The following FHIP2A variants were observed in gnomAD, a reference collection of about 807,000 sequenced individuals.
The protein encoded by FHIP2A is FHF complex subunit HOOK interacting protein 2A, also known as family with sequence similarity 160 member B1.
A neutral mutation model predicts 93.5 loss-of-function variants in FHIP2A; 46 were observed. That is an observed-to-expected ratio of 0.49 (90% CI 0.39 to 0.63). The LOEUF is 0.63. Ranked by LOEUF, FHIP2A falls within the 20% of genes least tolerant of loss-of-function variation. FHIP2A has a pLI of 0.00. For missense variants in FHIP2A, 769 were observed against 909.7 expected (o/e 0.85, Z 1.99); for synonymous variants, 332 against 326.5 (o/e 1.02, Z -0.18).
intron 14 of FHIP2A, among the ~76,000 whole-genome samples, chr10:114,855,549 C>A (rs982722150): frequency 1.3e-5 from 2 of 152,154 alleles, no homozygotes; most frequent in African/African-American, 2.4e-5. Context: ...CTGACAGCTG[C>A]TTGTTTATTT....
At chr10:114,825,174 C>T (rs1390330526) in intron 1 of FHIP2A, among the ~76,000 whole-genome samples, 1 of 152,170 alleles carries the variant, frequency 6.6e-6, no homozygotes, top group East Asian at 1.9e-4. Context: ...AGCACCACCA[C>T]ACTCAATTTT....
At position 114,863,512 on chromosome 10, in the gene FHIP2A, GTA is replaced by G; in HGVS notation, c.*1976_*1977del. The G allele has an allele frequency of 8.6e-7, 1 of 1,157,654 alleles. No homozygotes were observed. Among genetic ancestry groups the G allele is most frequent in the African/African-American group, 1.6e-5 (1 of 61,080 alleles). 71.7% of individuals were successfully genotyped at this position (1,157,654 alleles called of 1,614,324 possible). On this transcript the variant is annotated 3_prime_UTR_variant, in exon 17 of 17. Coordinates refer to ENST00000369248, the MANE Select transcript of FHIP2A (RefSeq NM_020940.4). ...GAAAAGCTTTAACTCTTATATTTGT[GTA>G]TATGTATGCTGCTTCTGAAAATATA...
intron 1 of FHIP2A, among the ~76,000 whole-genome samples, chr10:114,827,711 G>C (rs1337738875): frequency 1.3e-5 from 2 of 151,436 alleles, no homozygotes; most frequent in Non-Finnish European, 2.9e-5. Context: ...GCAGGAGAAT[G>C]GTGTGAACCC....
intron 13 of FHIP2A, among the ~76,000 whole-genome samples, chr10:114,849,781 G>A (rs903254006): frequency 9.2e-5 from 14 of 152,008 alleles, no homozygotes; most frequent in African/African-American, 1.4e-4. Flanking sequence ...TCTCCTCCCC[G>A]CCAACCCCCA....
Position 114,836,222 on chromosome 10 carries a change from C to T in FHIP2A, c.498C>T (p.Pro166=). 1.3e-6 allele frequency: 2 copies of T among 1,596,762 alleles called. No individual in the cohort carries two copies. Among genetic ancestry groups the T allele is most frequent in the Non-Finnish European group, 1.7e-6 (2 of 1,168,134 alleles). ...CIVCAKLKQD[P]YLVNFFLENK... ...TGTGTGCGAAGCTGAAACAGGACCC[C>T]TACCTGGTTAACTTTTTCCTAGAGG... The change falls in exon 5 of 17, where the codon CCC becomes CCT. Residue 166 remains proline (P), a synonymous_variant. Transcript: ENST00000369248.
intron 14 of FHIP2A, among the ~76,000 whole-genome samples, chr10:114,859,035 CAAGT>C (rs1469843730): frequency 6.6e-6 from 1 of 151,918 alleles, no homozygotes; most frequent in Non-Finnish European, 1.5e-5. Flanking sequence ...CCAAAGCCCC[CAAGT>C]ATTACCAAGT....
At chr10:114,875,908 AAG>A (rs140929613) in intron 16 of FHIP2A, among the ~76,000 whole-genome samples, 32,597 of 107,514 alleles carry the variant, frequency 0.3, 7,370 homozygotes, top group South Asian at 0.41. Flanking sequence ...GAAATAAAGA[AAG>A]AGAAAGAAAG....
chr10:114,831,922 C>A (rs1271598562), intron 2 of FHIP2A, among the ~76,000 whole-genome samples: 7 of 152,126 alleles, frequency 4.6e-5, no homozygotes, highest in Non-Finnish European at 7.4e-5. Context: ...CAAAGGTGAC[C>A]CTTCTCTATC....
At chr10:114,864,992 A>G (rs986586052), downstream of FHIP2A, among the ~76,000 whole-genome samples, 5 of 148,274 alleles carry the variant, frequency 3.4e-5, no homozygotes. Flanking sequence ...CTCAAAAACA[A>G]TTTTTTTTTT....
At position 114,860,760 on chromosome 10, in the gene FHIP2A, A is replaced by G. The variant is rs1361623236; in HGVS notation, c.1959A>G (p.Val653=). The G allele has an allele frequency of 6.9e-6, 11 of 1,599,826 alleles. No individual in the cohort carries two copies. Among genetic ancestry groups the G allele is most frequent in the Non-Finnish European group, 9.4e-6 (11 of 1,167,148 alleles). Reference sequence around the variant, plus strand: ...TTATCTCTCCATAGCCATATGATGTAAACTTACAAGTAACCTCAGTGTTAT... The same window carrying G: ...TTATCTCTCCATAGCCATATGATGTGAACTTACAAGTAACCTCAGTGTTAT... ...MGRILDQPYD[V]NLQVTSVLSR... The change falls in exon 15 of 17, where the codon GTA becomes GTG. Residue 653 remains valine, a synonymous_variant. Coordinates refer to ENST00000369248, the MANE Select transcript of FHIP2A (RefSeq NM_020940.4).
chr10:114,845,407 C>T lies in FHIP2A; in HGVS notation c.1054C>T (p.Pro352Ser), dbSNP rs767925348. The T allele has an allele frequency of 4.8e-5, 77 of 1,613,298 alleles. No individual in the cohort carries two copies. In the Middle Eastern group the frequency reaches 6.6e-4, roughly 14 times the overall value. The part of the protein sequence containing the change: ...YSHKEDASAF[P>S]GKRALISFLS... ...TCATAAAGAAGATGCTTCAGCATTTCCAGGAAAACGAGCCTTAATTTCATT... is the reference window on the plus strand; with the variant it reads ...TCATAAAGAAGATGCTTCAGCATTTTCAGGAAAACGAGCCTTAATTTCATT... Residue 352 changes from proline (P) to serine (S), a missense_variant, in exon 8 of 17, where the codon CCA becomes TCA. By Grantham distance (74) the Pro-to-Ser change is moderately conservative. Coordinates refer to ENST00000369248, the MANE Select transcript of FHIP2A (RefSeq NM_020940.4).
At chr10:114,835,150 A>T (rs1464378768) in intron 3 of FHIP2A, among the ~76,000 whole-genome samples, 1 of 152,218 alleles carries the variant, frequency 6.6e-6, no homozygotes, top group African/African-American at 2.4e-5. Flanking sequence ...CATTAGTGTA[A>T]GTAACAAGAT....
chr10:114,832,775 G>A (rs186857965), intron 2 of FHIP2A, among the ~76,000 whole-genome samples: 12 of 149,012 alleles, frequency 8.1e-5, no homozygotes, highest in Admixed American at 3.4e-4. Flanking sequence ...TCAGTGGTGC[G>A]ATCTCTGCTC....
chr10:114,875,994 GAAAA>G (rs2083887155), intron 16 of FHIP2A, among the ~76,000 whole-genome samples: 1 of 151,320 alleles, frequency 6.6e-6, no homozygotes, highest in Admixed American at 6.6e-5. Context: ...AAGAAAGAAA[GAAAA>G]AGAAAGAGAA....
intron 16 of FHIP2A, among the ~76,000 whole-genome samples, chr10:114,878,886 A>G (rs2083903250): frequency 6.6e-6 from 1 of 152,024 alleles, no homozygotes. Context: ...TGGCTTTTGC[A>G]TAGGACACAC....
intron 1 of FHIP2A, among the ~76,000 whole-genome samples, chr10:114,823,603 T>TCCTG (rs1296083905): frequency 2.6e-5 from 4 of 151,546 alleles, no homozygotes; most frequent in Non-Finnish European, 4.4e-5. Context: ...CAAGCGATTC[T>TCCTG]CCTGCCTCAG....
At chr10:114,859,277 G>A (rs2083783992) in intron 14 of FHIP2A, among the ~76,000 whole-genome samples, 1 of 151,142 alleles carries the variant, frequency 6.6e-6, no homozygotes, top group Admixed American at 6.7e-5. Flanking sequence ...GTTCATCGTA[G>A]CGTCTGTAGC....
At chr10:114,822,144 C>A in intron 1 of FHIP2A, 21 bp downstream of exon 1, 1 of 1,296,886 alleles carries the variant, frequency 7.7e-7, no homozygotes, top group South Asian at 2.2e-5. Context: ...GGGCTGCGGG[C>A]GCACGGCAGG....
chr10:114,897,487 A>G (rs1336668867), intron 16 of FHIP2A, among the ~76,000 whole-genome samples: 2 of 152,226 alleles, frequency 1.3e-5, no homozygotes, highest in East Asian at 3.8e-4. Context: ...GCATTTTATT[A>G]CTAAATAAGC....
Sources: gnomAD v4.1 joint callset for allele counts (sites outside exome capture counted in the v4.1 genomes callset) on GRCh38, gnomAD v4.1.1 for gene constraint, MANE v1.5 for transcripts, NCBI Gene and HGNC (gene_info 2026-07-23, HGNC 2026-07-21) for gene names.